MCHR2: variants seen among roughly 807,000 people sequenced by gnomAD.
MCHR2 encodes the protein melanin concentrating hormone receptor 2, also known as melanin-concentrating hormone receptor 2.
Under a neutral mutation model 24.8 loss-of-function variants are expected in MCHR2, and 15 were observed. The observed-to-expected ratio is 0.60, with a 90% CI of 0.40 to 0.93. The LOEUF is 0.93. MCHR2 is among the 40% of genes least tolerant of loss of function. The pLI, the probability that MCHR2 is intolerant of heterozygous loss-of-function variation, is 0.00. For missense variants in MCHR2, 386 were observed against 408.7 expected, an observed-to-expected ratio of 0.94 and a Z score of 0.48; for synonymous variants, 151 against 147.6, an observed-to-expected ratio of 1.02 and a Z score of -0.17.
intron 2 of MCHR2, among the ~76,000 whole-genome samples, chr6:99,954,550 C>G (rs537654787): frequency 4.8e-4 from 73 of 152,230 alleles, no homozygotes; most frequent in African/African-American, 1.7e-3. Flanking sequence ...CCTCCCAGCC[C>G]CCTTCAGCTG....
chr6:99,951,328 AG>A, intron 2 of MCHR2, among the ~76,000 whole-genome samples: 1 of 152,182 alleles, frequency 6.6e-6, no homozygotes, highest in East Asian at 1.9e-4. Flanking sequence ...GTCCTCACAC[AG>A]GACAGACCTA....
intron 5 of MCHR2, among the ~76,000 whole-genome samples, chr6:99,925,148 A>T (rs747253084): frequency 6.7e-4 from 102 of 152,232 alleles, no homozygotes; most frequent in Middle Eastern, 3.4e-3. Flanking sequence ...TTTTATCATT[A>T]TATGGTGATC....
At chr6:99,959,883 A>G (rs1030943572) in intron 1 of MCHR2, among the ~76,000 whole-genome samples, 2 of 151,426 alleles carry the variant, frequency 1.3e-5, no homozygotes, top group African/African-American at 4.8e-5. Context: ...AGACTATTGG[A>G]CACCACTGAA....
At chr6:99,993,665 C>T (rs1406842111) in intron 1 of MCHR2, among the ~76,000 whole-genome samples, 1 of 152,140 alleles carries the variant, frequency 6.6e-6, no homozygotes, top group African/African-American at 2.4e-5. Flanking sequence ...TTTCTTTTCC[C>T]ACCTGTGTTT....
chr6:99,964,777 G>T (rs1775261993), intron 1 of MCHR2, among the ~76,000 whole-genome samples: 5 of 152,028 alleles, frequency 3.3e-5, no homozygotes, highest in African/African-American at 9.7e-5. Flanking sequence ...TGGATAAATA[G>T]ATTGTGATAT....
intron 1 of MCHR2, among the ~76,000 whole-genome samples, chr6:99,976,024 G>A (rs1178925043): frequency 6.6e-6 from 1 of 152,142 alleles, no homozygotes; most frequent in Non-Finnish European, 1.5e-5. Context: ...AGGGTTTGTG[G>A]ATCTTTCAGC....
chr6:99,932,643 A>G (rs867719706), intron 5 of MCHR2, among the ~76,000 whole-genome samples: 29 of 152,312 alleles, frequency 1.9e-4, no homozygotes, highest in African/African-American at 6.7e-4. Context: ...ATGTAAGTAC[A>G]GTCTAATCAT....
At chr6:99,960,895 G>A (rs566645233) in intron 1 of MCHR2, among the ~76,000 whole-genome samples, 18 of 152,106 alleles carry the variant, frequency 1.2e-4, no homozygotes, top group East Asian at 3.9e-4. Context: ...AAACCTAGGC[G>A]ATACCATTCA....
intron 5 of MCHR2, among the ~76,000 whole-genome samples, chr6:99,929,648 C>G (rs1180025798): frequency 2.0e-5 from 3 of 152,048 alleles, no homozygotes; most frequent in African/African-American, 7.2e-5. Context: ...TTATCAGAGA[C>G]TAGGATTGCA....
intron 1 of MCHR2, among the ~76,000 whole-genome samples, chr6:99,974,142 T>C (rs1775497364): frequency 1.3e-5 from 2 of 152,340 alleles, no homozygotes; most frequent in East Asian, 3.9e-4. Flanking sequence ...CTGGATAATA[T>C]CCTGCAGAGT....
chr6:99,937,228 G>C, intron 4 of MCHR2, among the ~76,000 whole-genome samples: 1 of 151,780 alleles, frequency 6.6e-6, no homozygotes, highest in Admixed American at 6.6e-5. Context: ...CTCTGGCTAG[G>C]ATTTCTGATA....
In MCHR2 at chr6:99,969,796, A is replaced by C. The variant is rs537102298; in HGVS notation, c.-27-13622T>G. ...TCTCATTGTTCAATTCCCACCTATG[A>C]GTGAGAACATGTGGTGTTTGGTTTT... On this transcript the variant is annotated intron_variant, in intron 1 of 5. Coordinates refer to ENST00000281806, the MANE Select transcript of MCHR2 (RefSeq NM_001040179.2). Among the ~76,000 whole-genome samples the C allele has an allele frequency of 1.4e-4, 20 of 147,568 alleles. No individual in the cohort carries two copies. In the East Asian group the frequency reaches 4.1e-3, roughly 30 times the overall value.
At chr6:99,985,878 AACAG>A (rs982056501) in intron 1 of MCHR2, among the ~76,000 whole-genome samples, 2 of 152,214 alleles carry the variant, frequency 1.3e-5, no homozygotes, top group African/African-American at 4.8e-5. Context: ...CAACAGAGTA[AACAG>A]ACAACCTACA....
At chr6:99,921,523 G>C (rs756690640) in intron 5 of MCHR2, among the ~76,000 whole-genome samples, 1 of 151,942 alleles carries the variant, frequency 6.6e-6, no homozygotes, top group Non-Finnish European at 1.5e-5. Context: ...TATATTTATG[G>C]GGTAAATGAG....
chr6:99,955,339 G>C (rs1282348983), intron 2 of MCHR2, among the ~76,000 whole-genome samples: 1 of 152,118 alleles, frequency 6.6e-6, no homozygotes, highest in African/African-American at 2.4e-5. Flanking sequence ...GAAATTACCT[G>C]AATTAGGTGG....
intron 1 of MCHR2, among the ~76,000 whole-genome samples, chr6:99,988,889 T>G (rs1220333866): frequency 6.6e-6 from 1 of 152,146 alleles, no homozygotes; most frequent in Non-Finnish European, 1.5e-5. Context: ...GGGTTTCTCT[T>G]CCAGAATGGC....
intron 1 of MCHR2, among the ~76,000 whole-genome samples, chr6:99,972,070 C>T (rs13201513): frequency 6.6e-6 from 1 of 152,168 alleles, no homozygotes; most frequent in African/African-American, 2.4e-5. Context: ...ATGATGCTGG[C>T]CTCATAAAAT....
chr6:99,960,981 G>A (rs923753347), intron 1 of MCHR2, among the ~76,000 whole-genome samples: 1 of 152,046 alleles, frequency 6.6e-6, no homozygotes, highest in Non-Finnish European at 1.5e-5. Flanking sequence ...TTGACAAATG[G>A]GATTTAATTA....
At chr6:99,974,379 C>T (rs367821767) in intron 1 of MCHR2, among the ~76,000 whole-genome samples, 11 of 152,318 alleles carry the variant, frequency 7.2e-5, no homozygotes, top group African/African-American at 2.6e-4. Context: ...GCATTGTTCA[C>T]GTAGTTCTCA....
Sources: allele counts gnomAD v4.1 joint callset (sites outside exome capture counted in the v4.1 genomes callset), GRCh38; gene constraint gnomAD v4.1.1; transcripts MANE v1.5; gene names NCBI Gene and HGNC (gene_info 2026-07-23, HGNC 2026-07-21).